NDUFAF6: variants seen among roughly 807,000 people sequenced by gnomAD.
The protein encoded by NDUFAF6 is NADH:ubiquinone oxidoreductase complex assembly factor 6.
A neutral mutation model predicts 40.8 loss-of-function variants in NDUFAF6; 45 were observed. That is an observed-to-expected ratio of 1.10 (90% CI 0.87 to 1.42). NDUFAF6 has a LOEUF of 1.42. Ranked by LOEUF, NDUFAF6 falls within the 40% of genes most tolerant of loss-of-function variation. The pLI, the probability that NDUFAF6 is intolerant of heterozygous loss-of-function variation, is 0.00. For synonymous variants in NDUFAF6, 185 were observed against 155.9 expected (o/e 1.19, Z -1.39); for missense variants, 435 against 418.5 (o/e 1.04, Z -0.34).
chr8:95,048,384 TTTTC>T, intron 6 of NDUFAF6, 69 bp from the exon 7 acceptor site: 1 of 1,054,610 alleles, frequency 9.5e-7, no homozygotes, highest in South Asian at 1.3e-5. Flanking sequence ...GTTAGTTTAA[TTTTC>T]TTTCCTAGGT....
At chr8:94,917,022 A>G (rs540901212) in intron 1 of NDUFAF6, among the ~76,000 whole-genome samples, 1 of 149,994 alleles carries the variant, frequency 6.7e-6, no homozygotes, top group East Asian at 2.0e-4. Flanking sequence ...GCTAAAGCAG[A>G]GAATCCTCTA....
intron 9 of NDUFAF6, among the ~76,000 whole-genome samples, chr8:95,066,287 C>CTTTTTTTTTTT (rs11302193): frequency 1.2e-5 from 1 of 82,920 alleles, no homozygotes; most frequent in African/African-American, 4.9e-5. Flanking sequence ...TGCTTGCTTG[C>CTTTTTTTTTTT]TTTTTTTTTT....
chr8:94,914,827 CA>C lies in NDUFAF6; in HGVS notation c.-936+18913del, dbSNP rs530780157. ...AGCTACCTGGGAGGCGGAGGCGTCT[CA>C]AAAAAAAAAAAATACAAAAGTGAGT... is the stretch of plus-strand genomic sequence containing the variant. On this transcript the variant is annotated intron_variant, in intron 1 of 14. Coordinates refer to the NDUFAF6 transcript ENST00000396113. Among the ~76,000 whole-genome samples, 991 of 128,296 alleles carry C rather than the reference CA, an allele frequency of 7.7e-3. 5 individuals are homozygous for C. Among genetic ancestry groups the C allele is most frequent in the African/African-American group, 0.013 (454 of 34,614 alleles). 84.2% of individuals were successfully genotyped at this position (128,296 alleles called of 152,430 possible).
At chr8:95,084,559 C>T (rs1173529916) in intron 2 of NDUFAF6, among the ~76,000 whole-genome samples, 1 of 152,158 alleles carries the variant, frequency 6.6e-6, no homozygotes, top group East Asian at 1.9e-4. Context: ...CTAGAGTTAA[C>T]TTGTGATTTG....
chr8:95,094,785 G>A (rs796472779), intron 2 of NDUFAF6, among the ~76,000 whole-genome samples: 26 of 127,140 alleles, frequency 2.0e-4, no homozygotes, highest in African/African-American at 6.7e-4. Flanking sequence ...TAGGGTCTTC[G>A]TCTGTTATCC....
chr8:95,090,158 G>A (rs958911527), intron 2 of NDUFAF6, among the ~76,000 whole-genome samples: 1 of 151,690 alleles, frequency 6.6e-6, no homozygotes, highest in African/African-American at 2.4e-5. Context: ...CTGTCTATTC[G>A]GTGTGGCCCC....
intron 9 of NDUFAF6, chr8:95,066,729 G>A (rs1281707039): frequency 3.3e-5 from 5 of 152,164 alleles, no homozygotes; most frequent in Non-Finnish European, 5.9e-5. Flanking sequence ...CAAGGAAGAC[G>A]ATAAATTCAA....
chr8:95,035,516 T>TGTG lies in NDUFAF6; in HGVS notation c.362_364dup (p.Val121dup), dbSNP rs774890287. ...TGCGAATGCAGTTTTGGAAAAAAACTGTGGAAGATATATACTGTGACAATC... is the reference window on the plus strand; with the variant it reads ...TGCGAATGCAGTTTTGGAAAAAAACTGTGGTGGAAGATATATACTGTGACAATC... On this transcript the variant is annotated inframe_insertion, in exon 3 of 9. Transcript: ENST00000396124. The TGTG allele has an allele frequency of 1.9e-6, 3 of 1,613,688 alleles. No homozygotes were observed. The East Asian group carries it at 6.7e-5, about 36-fold the overall frequency.
chr8:95,090,454 T>C (rs1005595855), intron 2 of NDUFAF6, among the ~76,000 whole-genome samples: 2 of 152,216 alleles, frequency 1.3e-5, no homozygotes, highest in African/African-American at 4.8e-5. Flanking sequence ...CAGCTCTATG[T>C]TCTGACATTT....
intron 1 of NDUFAF6, chr8:94,928,674 T>A (rs1820111293): frequency 6.6e-6 from 1 of 152,236 alleles, no homozygotes; most frequent in Admixed American, 6.5e-5. Flanking sequence ...TCACAGCCAG[T>A]AGAAGAACAA....
At chr8:94,943,053 T>G (rs746322357) in intron 1 of NDUFAF6, among the ~76,000 whole-genome samples, 11 of 152,090 alleles carry the variant, frequency 7.2e-5, no homozygotes, top group Non-Finnish European at 1.6e-4. Flanking sequence ...TCGAATATGG[T>G]AAATTGGGGG....
chr8:95,088,901 C>G (rs891135865), intron 2 of NDUFAF6, among the ~76,000 whole-genome samples: 1 of 151,814 alleles, frequency 6.6e-6, no homozygotes, highest in African/African-American at 2.4e-5. Context: ...GCTGGGATTA[C>G]AGGTGCACCA....
At chr8:94,986,446 T>C (rs1019407399) in intron 2 of NDUFAF6, among the ~76,000 whole-genome samples, 1 of 152,204 alleles carries the variant, frequency 6.6e-6, no homozygotes, top group African/African-American at 2.4e-5. Context: ...ATTTGCTTCC[T>C]GGAGAGAAAA....
chr8:95,023,210 C>T (rs1294299424), upstream of NDUFAF6: 1 of 152,172 alleles, frequency 6.6e-6, no homozygotes, highest in African/African-American at 2.4e-5. Flanking sequence ...GACTTGTTCT[C>T]AAGTCTAATT....
upstream of NDUFAF6, among the ~76,000 whole-genome samples, chr8:94,954,517 A>G (rs1423298437): frequency 6.6e-6 from 1 of 152,214 alleles, no homozygotes; most frequent in East Asian, 1.9e-4. Flanking sequence ...CTGTGAAGAA[A>G]GATAAGCTGG....
At chr8:95,105,903 G>A (rs532392565), downstream of NDUFAF6, among the ~76,000 whole-genome samples, 2 of 152,252 alleles carry the variant, frequency 1.3e-5, no homozygotes, top group Non-Finnish European at 2.9e-5. Context: ...CCTGAAGTGC[G>A]GGGATTACAG....
chr8:94,948,855 C>T (rs1426806912), intron 2 of NDUFAF6, among the ~76,000 whole-genome samples: 5 of 151,958 alleles, frequency 3.3e-5, no homozygotes, highest in Non-Finnish European at 7.4e-5. Flanking sequence ...GACCAAACTC[C>T]CAACCGCCGC....
At chr8:94,933,846 G>GA (rs1820697301) in intron 1 of NDUFAF6, among the ~76,000 whole-genome samples, 1 of 140,616 alleles carries the variant, frequency 7.1e-6, no homozygotes, top group South Asian at 2.4e-4. Flanking sequence ...GGGGGGGGGG[G>GA]AGGATCACGA....
chr8:95,063,353 C>G (rs1779620623), downstream of NDUFAF6, among the ~76,000 whole-genome samples: 1 of 152,206 alleles, frequency 6.6e-6, no homozygotes, highest in African/African-American at 2.4e-5. Context: ...GTAATCTCAA[C>G]ACTTTGGGAG....
Sources: gnomAD v4.1 joint callset for allele counts (sites outside exome capture counted in the v4.1 genomes callset) on GRCh38, gnomAD v4.1.1 for gene constraint, MANE v1.5 for transcripts, NCBI Gene and HGNC (gene_info 2026-07-23, HGNC 2026-07-21) for gene names.